The following PCDH20 variants were observed in gnomAD, a reference collection of about 807,000 sequenced individuals.
PCDH20 encodes protocadherin-20.
In PCDH20, 18 loss-of-function variants were observed where a neutral mutation model predicts 39.7. The observed-to-expected ratio is 0.45, with a 90% CI of 0.31 to 0.67. PCDH20 has a LOEUF of 0.67. Among genes scored for constraint, PCDH20 ranks in the 30% least tolerant of loss-of-function variants. The pLI, the probability that PCDH20 is intolerant of heterozygous loss-of-function variation, is 0.05. For missense variants in PCDH20, 1,161 were observed against 1,167.4 expected (o/e 0.99, Z 0.08); for synonymous variants, 495 against 455.4 (o/e 1.09, Z -1.11).
chr13:61,414,372 C>G (rs1188871208), intron 1 of PCDH20, among the ~76,000 whole-genome samples: 4 of 152,078 alleles, frequency 2.6e-5, no homozygotes, highest in Non-Finnish European at 5.9e-5. Flanking sequence ...TAGTAGAGAG[C>G]ACTGAAAGGT....
chr13:61,414,974 T>C, intron 1 of PCDH20, 53 bp downstream of exon 1: 2 of 1,332,074 alleles, frequency 1.5e-6, no homozygotes, highest in Non-Finnish European at 2.0e-6. Context: ...GGGAATTGCT[T>C]CACAATACTG....
chr13:61,412,350 G>A (rs1443647638), exon 2 of PCDH20: 1 of 1,613,972 alleles, frequency 6.2e-7, no homozygotes, highest in African/African-American at 1.3e-5. Context: ...CACTGTCTAA[G>A]GAAAAATATG....
exon 1 of PCDH20, chr13:61,415,196 G>A: frequency 7.4e-7 from 1 of 1,351,020 alleles, no homozygotes; most frequent in Non-Finnish European, 9.6e-7. Context: ...CTTGAAGGGA[G>A]GGCGGCAGAA....
At chr13:61,415,575 A>C (rs952268976), upstream of PCDH20, 3 of 154,290 alleles carry the variant, frequency 1.9e-5, no homozygotes, top group South Asian at 2.1e-4. Flanking sequence ...AGTCGGCGCC[A>C]CAGAGCAATC....
exon 2 of PCDH20, chr13:61,413,587 G>A (rs1431215766): frequency 2.0e-5 from 32 of 1,614,176 alleles, no homozygotes; most frequent in Non-Finnish European, 2.6e-5. Flanking sequence ...GTCAGAAGGA[G>A]AGGAGGAGAT....
exon 2 of PCDH20, chr13:61,413,484 G>T (rs768094599): frequency 6.2e-7 from 1 of 1,613,806 alleles, no homozygotes; most frequent in Non-Finnish European, 8.5e-7. Context: ...ACTGCGGGGC[G>T]TTGTCATTGA....
chr13:61,411,201 A>C, exon 2 of PCDH20: 1 of 1,520,436 alleles, frequency 6.6e-7, no homozygotes, highest in Non-Finnish European at 9.0e-7. Context: ...GAAGATCCAA[A>C]GTCAGTTAAA....
chr13:61,414,959 C>T, intron 1 of PCDH20, 68 bp downstream of exon 1: 10 of 1,291,106 alleles, frequency 7.7e-6, no homozygotes, highest in Non-Finnish European at 9.9e-6. Flanking sequence ...AAAAACCATC[C>T]GAGTGGGAAT....
exon 2 of PCDH20, chr13:61,412,361 A>T (rs1438398124): frequency 6.2e-7 from 1 of 1,614,146 alleles, no homozygotes; most frequent in Non-Finnish European, 8.5e-7. Flanking sequence ...GAAAAATATG[A>T]TGGAGCATCA....
exon 2 of PCDH20, chr13:61,413,077 G>C (rs1871438577): frequency 6.2e-7 from 1 of 1,614,192 alleles, no homozygotes; most frequent in Non-Finnish European, 8.5e-7. Flanking sequence ...AGCCTGGACA[G>C]CTGCAATTGG....
exon 2 of PCDH20, chr13:61,413,159 T>C: frequency 6.2e-7 from 1 of 1,614,142 alleles, no homozygotes; most frequent in Non-Finnish European, 8.5e-7. Flanking sequence ...CAATTGTCAT[T>C]AATGTCACTG....
chr13:61,412,635 TA>T lies in PCDH20; in HGVS notation c.1463del (p.Leu488TyrfsTer2). The T allele has an allele frequency of 6.2e-7, 1 of 1,614,144 alleles. No individual in the cohort carries two copies. Among genetic ancestry groups the T allele is most frequent in the Non-Finnish European group, 8.5e-7 (1 of 1,179,998 alleles). On this transcript the variant is annotated frameshift_variant, in exon 2 of 2. Transcript: ENST00000409204. LOFTEE classifies it high-confidence loss of function. The stretch of plus-strand genomic sequence containing the variant: ...AGTCCATAGGTTTTGTGGTCTCTAG[TA>T]AATATTCATTATTGTATGGTTTGTA...
In PCDH20 at chr13:61,413,168, T is replaced by C. The variant is rs1429560176; in HGVS notation, c.931A>G (p.Ser311Gly). 7 of 1,614,038 alleles carry C rather than the reference T, an allele frequency of 4.3e-6. No homozygotes were observed. The highest frequency in any genetic ancestry group is 1.1e-5 in the South Asian group (1 of 91,084). ...AGAGGGCAATTGTCATTAATGTCAC[T>C]GATGCCAATGGTGAGAGTGGCACTG... Residue 311 changes from serine (S) to glycine (G), a missense_variant, in exon 2 of 2, where the codon AGT becomes GGT. Ser to Gly is a moderately conservative substitution (Grantham distance 56). Transcript: ENST00000409204.
At chr13:61,411,097 A>T (rs1878235030) in exon 2 of PCDH20, 2 of 704,100 alleles carry the variant, frequency 2.8e-6, no homozygotes, top group East Asian at 2.8e-5. Flanking sequence ...ATTTAAATTT[A>T]AAAACCTGTA....
At chr13:61,411,184 A>G in exon 2 of PCDH20, 1 of 1,408,372 alleles carries the variant, frequency 7.1e-7, no homozygotes. Context: ...ACTCTTTTTT[A>G]GGTGATGAAG....
At chr13:61,410,561 C>T (rs747067288) in exon 2 of PCDH20, 12 of 152,466 alleles carry the variant, frequency 7.9e-5, no homozygotes, top group Admixed American at 5.2e-4. Flanking sequence ...AAACAGAAAG[C>T]AATTCGAGTA....
At chr13:61,414,347 G>A (rs931647694) in intron 1 of PCDH20, among the ~76,000 whole-genome samples, 2 of 152,110 alleles carry the variant, frequency 1.3e-5, no homozygotes, top group Non-Finnish European at 2.9e-5. Context: ...AGGTGATGGG[G>A]AGGGAGGGGG....
At chr13:61,415,345 A>C in exon 1 of PCDH20, 1 of 606,126 alleles carries the variant, frequency 1.6e-6, no homozygotes, top group Non-Finnish European at 2.4e-6. Flanking sequence ...CCTGCCCCGG[A>C]CGCAGGTAAC....
intron 1 of PCDH20, among the ~76,000 whole-genome samples, chr13:61,414,425 C>T (rs1291306318): frequency 6.6e-6 from 1 of 152,078 alleles, no homozygotes; most frequent in Non-Finnish European, 1.5e-5. Flanking sequence ...CATTAGAGTG[C>T]TGGAACACGC....
Sources: gnomAD v4.1 joint callset for allele counts (sites outside exome capture counted in the v4.1 genomes callset) on GRCh38, gnomAD v4.1.1 for gene constraint, MANE v1.5 for transcripts, NCBI Gene and HGNC (gene_info 2026-07-23, HGNC 2026-07-21) for gene names.